The following DNAJC1 variants were observed in gnomAD, a reference collection of about 807,000 sequenced individuals.
DNAJC1 encodes the protein dnaJ homolog subfamily C member 1.
A neutral mutation model predicts 76.6 loss-of-function variants in DNAJC1; 58 were observed. The observed-to-expected ratio is 0.76, with a 90% CI of 0.61 to 0.94. The LOEUF (loss-of-function observed/expected upper bound fraction) is 0.94. DNAJC1 is among the 40% of genes least tolerant of loss of function. DNAJC1 has a pLI of 0.00. For missense variants in DNAJC1, 689 were observed against 677.3 expected (o/e 1.02, Z -0.19); for synonymous variants, 258 against 267.9 (o/e 0.96, Z 0.36).
intron 8 of DNAJC1, among the ~76,000 whole-genome samples, chr10:21,841,898 C>A (rs1835580259): frequency 6.6e-6 from 1 of 151,948 alleles, no homozygotes; most frequent in Non-Finnish European, 1.5e-5. Flanking sequence ...ATATATACAC[C>A]ATGGAATACT....
Position 22,003,492 on chromosome 10 carries a change from G to T in DNAJC1, c.-58C>A. ...AGCTCCGTTGGCCGAGAGCTGGGACGTGGCGGGCGGCGCTGGCTGTGGGGA... is the reference window on the plus strand; with the variant it reads ...AGCTCCGTTGGCCGAGAGCTGGGACTTGGCGGGCGGCGCTGGCTGTGGGGA... On this transcript the variant is annotated 5_prime_UTR_variant, in exon 1 of 12. Coordinates refer to ENST00000376980, the MANE Select transcript of DNAJC1 (RefSeq NM_022365.4). 1.5e-6 allele frequency: 2 copies of T among 1,306,280 alleles called. No individual in the cohort carries two copies. The highest frequency in any genetic ancestry group is 2.3e-5 in the South Asian group (1 of 42,766). 80.9% of individuals were successfully genotyped at this position (1,306,280 alleles called of 1,614,324 possible). A position where few individuals can be genotyped will look rare whatever the true frequency, so the allele number is the denominator to read the frequency against.
At chr10:21,938,396 T>C (rs1837348947) in intron 1 of DNAJC1, among the ~76,000 whole-genome samples, 1 of 151,962 alleles carries the variant, frequency 6.6e-6, no homozygotes, top group Non-Finnish European at 1.5e-5. Flanking sequence ...ATACCTTCCA[T>C]GGTTGCTATC....
In DNAJC1 at chr10:21,994,747, C is replaced by T. The variant is rs867044416; in HGVS notation, c.222+8466G>A. 5.3e-5 allele frequency among the ~76,000 whole-genome samples: 8 copies of T among 151,876 alleles called. 1 individual carries two copies. The highest frequency in any genetic ancestry group is 5.2e-4 in the Admixed American group (8 of 15,256). On this transcript the variant is annotated intron_variant, in intron 1 of 11. Transcript: ENST00000376980. Reference sequence around the variant, plus strand: ...CAGAGCTTGCAGTAAGCCGAGATCGCGCCACTGCACTCCAGCCTGGGTGAC... The same window carrying T: ...CAGAGCTTGCAGTAAGCCGAGATCGTGCCACTGCACTCCAGCCTGGGTGAC...
intron 8 of DNAJC1, among the ~76,000 whole-genome samples, chr10:21,841,053 T>C (rs190520606): frequency 1.3e-5 from 2 of 152,156 alleles, no homozygotes; most frequent in African/African-American, 2.4e-5. Context: ...TAGCCATATG[T>C]AGAAAGCTGA....
intron 1 of DNAJC1, among the ~76,000 whole-genome samples, chr10:21,937,388 G>A (rs766153960): frequency 6.6e-5 from 10 of 151,854 alleles, no homozygotes; most frequent in Admixed American, 2.0e-4. Context: ...ATTATTTAAC[G>A]ACAAAAAGGT....
At chr10:21,825,905 T>C (rs1835241941) in intron 8 of DNAJC1, among the ~76,000 whole-genome samples, 1 of 152,172 alleles carries the variant, frequency 6.6e-6, no homozygotes, top group Non-Finnish European at 1.5e-5. Context: ...CTTCTTTATA[T>C]ATTGTGGTTA....
intron 6 of DNAJC1, among the ~76,000 whole-genome samples, chr10:21,910,675 G>A (rs66867344): frequency 0.089 from 13,496 of 151,750 alleles, 1,451 homozygotes; most frequent in African/African-American, 0.26. Context: ...GTGGGAAGAG[G>A]GTGAGCTTCA....
intron 8 of DNAJC1, among the ~76,000 whole-genome samples, chr10:21,843,078 A>G (rs1243791955): frequency 2.0e-5 from 3 of 152,224 alleles, no homozygotes; most frequent in Non-Finnish European, 4.4e-5. Flanking sequence ...GCAAAAAGCC[A>G]GCATCAGAGG....
intron 3 of DNAJC1, 141 bp from the exon 4 acceptor site, chr10:21,921,104 T>G (rs948064884): frequency 5.3e-6 from 4 of 749,364 alleles, no homozygotes; most frequent in Non-Finnish European, 8.1e-6. Context: ...AGCATTATAA[T>G]ATCGAGTAAA....
In DNAJC1 at chr10:21,987,006, G is replaced by T. The variant is rs186718101; in HGVS notation, c.222+16207C>A. Among the ~76,000 whole-genome samples the T allele has an allele frequency of 3.9e-4, 60 of 152,254 alleles. No homozygotes were observed. In the East Asian group the frequency reaches 4.4e-3, roughly 11 times the overall value. ...TGGTCTCAAACTCCTGACCTCAAGTGATCCACCCTCCTTGGCCACCCAAAG... is the reference window on the plus strand; with the variant it reads ...TGGTCTCAAACTCCTGACCTCAAGTTATCCACCCTCCTTGGCCACCCAAAG... On this transcript the variant is annotated intron_variant, in intron 1 of 11. Coordinates refer to ENST00000376980, the MANE Select transcript of DNAJC1 (RefSeq NM_022365.4).
chr10:21,889,910 C>A (rs1836433740), intron 7 of DNAJC1, among the ~76,000 whole-genome samples: 1 of 152,184 alleles, frequency 6.6e-6, no homozygotes, highest in African/African-American at 2.4e-5. Flanking sequence ...AGAGCAAAGA[C>A]TAATGGGAAA....
chr10:21,821,971 T>C lies in DNAJC1; in HGVS notation c.979-15872A>G, dbSNP rs180731404. On this transcript the variant is annotated intron_variant, in intron 8 of 11. Coordinates refer to ENST00000376980, the MANE Select transcript of DNAJC1 (RefSeq NM_022365.4). ...GTGTTCTTTCCACTATATTCTACTATGGCGCATCCAGTATTTATCAAAGGT... is the reference window on the plus strand; with the variant it reads ...GTGTTCTTTCCACTATATTCTACTACGGCGCATCCAGTATTTATCAAAGGT... Among the ~76,000 whole-genome samples the C allele has an allele frequency of 1.2e-3, 178 of 152,276 alleles. No individual in the cohort carries two copies. The Middle Eastern group carries it at 0.024, about 20-fold the overall frequency.
chr10:21,924,273 G>A (rs1837085212), intron 3 of DNAJC1, among the ~76,000 whole-genome samples: 1 of 152,012 alleles, frequency 6.6e-6, no homozygotes, highest in Non-Finnish European at 1.5e-5. Context: ...ACAATAACTA[G>A]TTAATAAATT....
intron 8 of DNAJC1, among the ~76,000 whole-genome samples, chr10:21,841,239 G>A (rs568238694): frequency 1.3e-5 from 2 of 152,068 alleles, no homozygotes; most frequent in African/African-American, 2.4e-5. Flanking sequence ...GCAACAAAAG[G>A]CAAAATTGAC....
chr10:21,782,250 A>G (rs1328032742), intron 9 of DNAJC1, among the ~76,000 whole-genome samples: 2 of 152,210 alleles, frequency 1.3e-5, no homozygotes, highest in East Asian at 3.8e-4. Flanking sequence ...CCATCAGAGA[A>G]TACTATAAAC....
chr10:21,791,347 A>G (rs1368238598), intron 9 of DNAJC1, among the ~76,000 whole-genome samples: 1 of 151,372 alleles, frequency 6.6e-6, no homozygotes, highest in African/African-American at 2.5e-5. Context: ...CAGGAAATCA[A>G]CAACAAGAAA....
Position 22,003,178 on chromosome 10 carries a change from C to G in DNAJC1, c.222+35G>C, listed in dbSNP as rs775267864. 3.3e-5 allele frequency: 48 copies of G among 1,476,438 alleles called. No homozygotes were observed. The African/African-American group carries it at 6.7e-4, about 21-fold the overall frequency. The allele number at this position is 1,476,438 out of a possible 1,614,324, so 91.5% of individuals were successfully genotyped here. On this transcript the variant is annotated intron_variant, in intron 1 of 11. Transcript: ENST00000376980. ...GGGTCGCCTGACGCCTGCCCTGGCC[C>G]CTCTCCGCCCGGCCCCGCGCGCCTC...
chr10:21,929,584 T>C (rs1837187838), intron 1 of DNAJC1, among the ~76,000 whole-genome samples: 1 of 152,220 alleles, frequency 6.6e-6, no homozygotes, highest in South Asian at 2.1e-4. Flanking sequence ...TTATTTATAT[T>C]GAGTTTATCA....
At chr10:21,921,935 A>T (rs1699349292) in intron 3 of DNAJC1, among the ~76,000 whole-genome samples, 1 of 152,066 alleles carries the variant, frequency 6.6e-6, no homozygotes. Context: ...ATTGAACACA[A>T]CTCATTAAAT....
Sources: gnomAD v4.1 joint callset for allele counts (sites outside exome capture counted in the v4.1 genomes callset) on GRCh38, gnomAD v4.1.1 for gene constraint, MANE v1.5 for transcripts, NCBI Gene and HGNC (gene_info 2026-07-23, HGNC 2026-07-21) for gene names.